PDZD2: variants seen among roughly 807,000 people sequenced by gnomAD.
PDZD2 encodes the protein PDZ domain-containing protein 2.
Under a neutral mutation model 220.7 loss-of-function variants are expected in PDZD2, and 90 were observed. The ratio of observed to expected loss-of-function variants is 0.41; its 90% CI spans 0.34 to 0.49. The LOEUF (loss-of-function observed/expected upper bound fraction) is 0.49. Among genes scored for constraint, PDZD2 ranks in the 20% least tolerant of loss-of-function variants. The pLI is 0.28. For synonymous variants in PDZD2, 1,375 were observed against 1,450.5 expected, an observed-to-expected ratio of 0.95 and a Z score of 1.18; for missense variants, 3,174 against 3,608.5, an observed-to-expected ratio of 0.88 and a Z score of 3.08.
At chr5:31,866,765 T>G (rs763124147) in intron 2 of PDZD2, among the ~76,000 whole-genome samples, 5 of 152,212 alleles carry the variant, frequency 3.3e-5, no homozygotes, top group Admixed American at 6.5e-5. Context: ...TAGTGAATTT[T>G]CATAACTTTG....
intron 2 of PDZD2, among the ~76,000 whole-genome samples, chr5:31,859,897 C>T (rs1258616623): frequency 6.6e-6 from 1 of 152,170 alleles, no homozygotes; most frequent in African/African-American, 2.4e-5. Context: ...TACACTCTTG[C>T]TGGGGCCCCG....
At chr5:31,802,650 G>A (rs1213235505) in intron 2 of PDZD2, among the ~76,000 whole-genome samples, 3 of 152,320 alleles carry the variant, frequency 2.0e-5, no homozygotes, top group Middle Eastern at 3.4e-3. Context: ...GCCGTGCGCC[G>A]TGGCTCACGC....
At chr5:31,816,287 C>CAAAAAAAAA (rs34233316) in intron 2 of PDZD2, among the ~76,000 whole-genome samples, 3 of 99,134 alleles carry the variant, frequency 3.0e-5, no homozygotes, top group African/African-American at 4.2e-5. Context: ...GACTCCATCT[C>CAAAAAAAAA]AAAAAAAAAA....
intron 2 of PDZD2, among the ~76,000 whole-genome samples, chr5:31,877,274 G>A (rs893872475): frequency 1.1e-4 from 17 of 152,074 alleles, no homozygotes; most frequent in Middle Eastern, 6.8e-3. Context: ...GGAGTGCAGC[G>A]GTGCAATCTC....
At chr5:31,866,958 C>G (rs1455330084) in intron 2 of PDZD2, among the ~76,000 whole-genome samples, 1 of 152,168 alleles carries the variant, frequency 6.6e-6, no homozygotes, top group African/African-American at 2.4e-5. Context: ...CCAGCTTCAT[C>G]CTTCGAAGGT....
intron 1 of PDZD2, among the ~76,000 whole-genome samples, chr5:31,793,864 C>T (rs1231570641): frequency 2.0e-5 from 3 of 152,048 alleles, no homozygotes; most frequent in Non-Finnish European, 4.4e-5. Context: ...CTGGAAAGTC[C>T]CTTGGGCACG....
chr5:31,973,447 C>A (rs998923020), intron 2 of PDZD2, among the ~76,000 whole-genome samples: 1 of 152,174 alleles, frequency 6.6e-6, no homozygotes, highest in African/African-American at 2.4e-5. Flanking sequence ...CCTCTTCGTA[C>A]TCCTTAAATC....
chr5:31,895,410 A>G (rs1246437418), intron 2 of PDZD2, among the ~76,000 whole-genome samples: 1 of 152,192 alleles, frequency 6.6e-6, no homozygotes, highest in African/African-American at 2.4e-5. Flanking sequence ...TACAGCTGGA[A>G]GACAGCCATC....
chr5:32,088,633 A>C lies in PDZD2; in HGVS notation c.5185A>C (p.Asn1729His). 6.2e-7 allele frequency: 1 copy of C among 1,614,094 alleles called. No homozygotes were observed. The highest frequency in any genetic ancestry group is 8.5e-7 in the Non-Finnish European group (1 of 1,179,958). Residue 1729 changes from asparagine (N) to histidine (H), a missense_variant, in exon 20 of 25, where the codon AAC becomes CAC. Physicochemically the swap from Asn to His is moderately conservative, Grantham distance 68 (BLOSUM62 1). Around this residue, in one of 4 missense-constraint regions of PDZD2, gnomAD observed 1,861 missense variants for 2,001.0 expected, o/e 0.93. Coordinates refer to ENST00000438447, the MANE Select transcript of PDZD2 (RefSeq NM_178140.4). The surrounding 1 kb of genome is among the most constrained non-coding windows in gnomAD (Gnocchi z 4.6). ...HSPPIILSSPNMVNGLEHDLL... is the reference protein window; with the variant it reads ...HSPPIILSSPHMVNGLEHDLL... Reference sequence around the variant, plus strand: ...TCCGCCCATCATTCTCAGCTCCCCCAACATGGTAAATGGCTTGGAACATGA... The same window carrying C: ...TCCGCCCATCATTCTCAGCTCCCCCCACATGGTAAATGGCTTGGAACATGA...
intron 2 of PDZD2, among the ~76,000 whole-genome samples, chr5:31,858,185 A>G (rs1317161490): frequency 6.6e-6 from 1 of 151,706 alleles, no homozygotes; most frequent in East Asian, 1.9e-4. Flanking sequence ...CTGGTCTCGA[A>G]CTCCTGACTT....
chr5:31,898,808 C>CTTTTTTTT (rs35589628), intron 2 of PDZD2, among the ~76,000 whole-genome samples: 23 of 123,456 alleles, frequency 1.9e-4, no homozygotes, highest in Non-Finnish European at 3.0e-4. Context: ...AGCCTCTCTT[C>CTTTTTTTT]TTTTTTTTTT....
At chr5:31,746,587 A>G (rs1750616429) in intron 1 of PDZD2, among the ~76,000 whole-genome samples, 1 of 152,224 alleles carries the variant, frequency 6.6e-6, no homozygotes, top group South Asian at 2.1e-4. Flanking sequence ...TTGAGAGTAA[A>G]AGGGGTGCTA....
At chr5:31,925,971 A>AT (rs763428835) in intron 2 of PDZD2, among the ~76,000 whole-genome samples, 6 of 152,114 alleles carry the variant, frequency 3.9e-5, no homozygotes, top group Non-Finnish European at 7.3e-5. Flanking sequence ...TAATCCTAGC[A>AT]TTTTTTGGAG....
rs1757215991 is a variant in PDZD2 at position 31,840,427 on chromosome 5, TATATATATATA to T, written c.476+40704_476+40714del. 307 of 122,702 alleles carry T rather than the reference TATATATATATA, an allele frequency of 2.5e-3. 20 individuals are homozygous for T. The South Asian group carries it at 0.064, about 26-fold the overall frequency. The allele number at this position is 122,702 out of a possible 1,614,324, so 7.6% of individuals were successfully genotyped here. Reference sequence around the variant, plus strand: ...ATATATATATATATATATATATATATATATATATATATATATATATATTTGTTTATAGTCCA... The same window carrying T: ...ATATATATATATATATATATATATATTATATATATATTTGTTTATAGTCCA... On this transcript the variant is annotated intron_variant, in intron 2 of 24. Coordinates refer to ENST00000438447, the MANE Select transcript of PDZD2 (RefSeq NM_178140.4).
intron 2 of PDZD2, among the ~76,000 whole-genome samples, chr5:31,817,443 C>A (rs1195486527): frequency 7.0e-6 from 1 of 142,572 alleles, no homozygotes; most frequent in African/African-American, 2.6e-5. Context: ...CAGTGAGCTG[C>A]GACTGCACCA....
intron 2 of PDZD2, among the ~76,000 whole-genome samples, chr5:31,973,834 C>T (rs1749512262): frequency 6.6e-6 from 1 of 152,114 alleles, no homozygotes. Context: ...CCAGCCTGGG[C>T]AACATAGCAA....
chr5:32,022,176 TG>T (rs1363115457), intron 6 of PDZD2, among the ~76,000 whole-genome samples: 15 of 95,004 alleles, frequency 1.6e-4, no homozygotes, highest in South Asian at 6.6e-4. Context: ...TTTTTCGTTT[TG>T]TTTTTTTGTT....
At chr5:31,971,657 C>T (rs145941726) in intron 2 of PDZD2, among the ~76,000 whole-genome samples, 1 of 152,296 alleles carries the variant, frequency 6.6e-6, no homozygotes, top group Non-Finnish European at 1.5e-5. Context: ...CACTGGAATT[C>T]CTGTAGATGT....
Position 31,815,245 on chromosome 5 carries a change from C to CAAAAAAAAAAAAAAAAAAA in PDZD2, c.476+15528_476+15546dup, listed in dbSNP as rs59040987. On this transcript the variant is annotated intron_variant, in intron 2 of 24. Coordinates refer to ENST00000438447, the MANE Select transcript of PDZD2 (RefSeq NM_178140.4). Reference sequence around the variant, plus strand: ...AGGCAACAAGAGCAAAACTCTGTCTCAAAAAAAAAAAAAAAAAAAAAAAAA... The same window carrying CAAAAAAAAAAAAAAAAAAA: ...AGGCAACAAGAGCAAAACTCTGTCTCAAAAAAAAAAAAAAAAAAAAAAAAAAAAAAAAAAAAAAAAAAAA... Among the ~76,000 whole-genome samples, 27 of 57,930 alleles carry CAAAAAAAAAAAAAAAAAAA rather than the reference C, an allele frequency of 4.7e-4. 1 individual carries two copies. The highest frequency in any genetic ancestry group is 1.8e-3 in the African/African-American group (26 of 14,782). The allele number at this position is 57,930 out of a possible 152,430, so 38.0% of individuals were successfully genotyped here.
Sources: allele counts gnomAD v4.1 joint callset (sites outside exome capture counted in the v4.1 genomes callset), GRCh38; gene constraint gnomAD v4.1.1; regional missense constraint gnomAD v4.1.1; non-coding constraint Gnocchi (gnomAD v3.1); transcripts MANE v1.5; gene names NCBI Gene and HGNC (gene_info 2026-07-23, HGNC 2026-07-21).